Variants in IL13RA1 observed in about 807,000 individuals in gnomAD.
The protein encoded by IL13RA1 is interleukin-13 receptor subunit alpha-1.
Under a neutral mutation model 33.8 loss-of-function variants are expected in IL13RA1, and 14 were observed. The observed-to-expected ratio is 0.41, with a 90% CI of 0.27 to 0.65. IL13RA1 has a LOEUF of 0.65. Among genes scored for constraint, IL13RA1 ranks in the 30% least tolerant of loss-of-function variants. IL13RA1 has a pLI of 0.28. For synonymous variants in IL13RA1, 116 were observed against 115.7 expected (o/e 1.00, Z -0.02); for missense variants, 313 against 327.0 (o/e 0.96, Z 0.33).
rs142695639 is a variant in IL13RA1 at position 118,758,202 on chromosome X, A to G, written c.636A>G (p.Lys212=). 62 of 1,127,312 alleles carry G rather than the reference A, an allele frequency of 5.5e-5. No individual in the cohort carries two copies. Among genetic ancestry groups the G allele is most frequent in the Non-Finnish European group, 7.0e-5 (58 of 828,393 alleles). The allele number at this position is 1,127,312 out of a possible 1,213,427, so 92.9% of individuals were successfully genotyped here. The change falls in exon 5 of 11, where the codon AAA becomes AAG. Residue 212 remains lysine (K), a synonymous_variant. Transcript: ENST00000371666. ...TAATGGTCAAGGATAATGCAGGAAA[A>G]ATTAAACCATCCTTCAATATAGTGC... ...VQIMVKDNAG[K]IKPSFNIVPL...
chrX:118,787,018 A>G (rs973419019), intron 10 of IL13RA1, among the ~76,000 whole-genome samples: 1 of 112,185 alleles, frequency 8.9e-6, no homozygotes. Context: ...TTGGTCCTGT[A>G]ACTATCTCTA....
chrX:118,729,689 C>T (rs2017194676), intron 1 of IL13RA1, among the ~76,000 whole-genome samples: 1 of 112,594 alleles, frequency 8.9e-6, no homozygotes, highest in Non-Finnish European at 1.9e-5. Context: ...AGTTTTCTAG[C>T]TGCTTTACTT....
intron 2 of IL13RA1, among the ~76,000 whole-genome samples, chrX:118,745,524 G>C (rs1327052420): frequency 8.9e-6 from 1 of 111,946 alleles, no homozygotes; most frequent in Non-Finnish European, 1.9e-5. Context: ...TTGTGTCCTT[G>C]CTATGATTTA....
intron 4 of IL13RA1, among the ~76,000 whole-genome samples, chrX:118,756,449 A>T (rs1327337801): frequency 8.9e-6 from 1 of 111,907 alleles, no homozygotes; most frequent in African/African-American, 3.2e-5. Context: ...CTTATGGAAG[A>T]CAGTTAAAGC....
chrX:118,784,105 ATATACGTATATATGTATATATATG>A (rs1409550887), intron 10 of IL13RA1, among the ~76,000 whole-genome samples: 3 of 57,576 alleles, frequency 5.2e-5, no homozygotes, highest in African/African-American at 6.4e-5. Context: ...ATATATATAT[ATATACGTATATATGTATATATATG>A]TATATATATA....
rs151181693 is a variant in IL13RA1, at chrX:118,733,874, A to T, written c.88+6148A>T. On this transcript the variant is annotated intron_variant, in intron 1 of 10. Transcript: ENST00000371666. ...TTTCCCAGCACCATTTGTTGAAAAGATTGTCTGCATTGAGTGGTCTTGGCA... is the reference window on the plus strand; with the variant it reads ...TTTCCCAGCACCATTTGTTGAAAAGTTTGTCTGCATTGAGTGGTCTTGGCA... 1.2e-3 allele frequency among the ~76,000 whole-genome samples: 138 copies of T among 111,683 alleles called. 3 individuals are homozygous for T. In the East Asian group the frequency reaches 0.038, roughly 31 times the overall value.
At chrX:118,786,851 G>A (rs1198012479) in intron 10 of IL13RA1, among the ~76,000 whole-genome samples, 1 of 112,073 alleles carries the variant, frequency 8.9e-6, no homozygotes, top group African/African-American at 3.2e-5. Context: ...TCTAGACCAC[G>A]GACTCCTTGC....
At chrX:118,747,354 C>T (rs1017691453) in intron 3 of IL13RA1, among the ~76,000 whole-genome samples, 24 of 109,222 alleles carry the variant, frequency 2.2e-4, no homozygotes, top group Non-Finnish European at 4.4e-4. Flanking sequence ...CATGCACGCG[C>T]GCGCACACAC....
At chrX:118,743,490 T>G (rs2017368763) in intron 2 of IL13RA1, among the ~76,000 whole-genome samples, 1 of 111,490 alleles carries the variant, frequency 9.0e-6, no homozygotes, top group African/African-American at 3.3e-5. Flanking sequence ...GTCTAATAGT[T>G]CCTCAGCTGG....
intron 10 of IL13RA1, among the ~76,000 whole-genome samples, chrX:118,789,500 T>C (rs969250198): frequency 8.9e-6 from 1 of 112,014 alleles, no homozygotes; most frequent in Non-Finnish European, 1.9e-5. Flanking sequence ...TTGTACTTTT[T>C]CCCAAGTTTA....
At chrX:118,764,086 A>G (rs1057258460) in intron 6 of IL13RA1, among the ~76,000 whole-genome samples, 6 of 109,592 alleles carry the variant, frequency 5.5e-5, no homozygotes, top group African/African-American at 2.0e-4. Flanking sequence ...AGTAAGCGGG[A>G]ACATGAACTG....
intron 10 of IL13RA1, among the ~76,000 whole-genome samples, chrX:118,780,692 T>C (rs952499481): frequency 1.8e-5 from 2 of 111,979 alleles, no homozygotes; most frequent in African/African-American, 6.5e-5. Flanking sequence ...ACTGTTGTGA[T>C]GACAGCATTA....
chrX:118,730,285 A>G (rs2017201520), intron 1 of IL13RA1, among the ~76,000 whole-genome samples: 1 of 112,326 alleles, frequency 8.9e-6, no homozygotes, highest in South Asian at 3.7e-4. Flanking sequence ...GCGACAGAGC[A>G]AGACTGTCTC....
At chrX:118,739,705 AATG>A (rs1414357388) in intron 1 of IL13RA1, among the ~76,000 whole-genome samples, 1 of 111,182 alleles carries the variant, frequency 9.0e-6, no homozygotes, top group Non-Finnish European at 1.9e-5. Flanking sequence ...GAAAGTTTAA[AATG>A]ATGTTTCACA....
Position 118,793,527 on chromosome X carries a change from C to T in IL13RA1, c.*1673C>T, listed in dbSNP as rs1015562236. 1.8e-5 allele frequency: 2 copies of T among 111,509 alleles called. No homozygotes were observed. Among genetic ancestry groups the T allele is most frequent in the Non-Finnish European group, 3.8e-5 (2 of 53,135 alleles). 9.2% of individuals were successfully genotyped at this position (111,509 alleles called of 1,213,427 possible). The stretch of plus-strand genomic sequence containing the variant: ...GTTCCATTCTCACCTATCCACACAA[C>T]ATATCCGTATATATCCCCTCTACTC... On this transcript the variant is annotated 3_prime_UTR_variant, in exon 11 of 11. Transcript: ENST00000371666.
chrX:118,769,267 A>G (rs971004475), intron 8 of IL13RA1, among the ~76,000 whole-genome samples: 1 of 112,533 alleles, frequency 8.9e-6, no homozygotes, highest in African/African-American at 3.2e-5. Flanking sequence ...CTAGATGTTC[A>G]TGACCTAGTG....
At chrX:118,773,434 T>G (rs1490799333) in intron 8 of IL13RA1, among the ~76,000 whole-genome samples, 1 of 111,985 alleles carries the variant, frequency 8.9e-6, no homozygotes, top group Non-Finnish European at 1.9e-5. Context: ...GAGGTTGCAG[T>G]GAGCCAAGAT....
chrX:118,734,805 T>A (rs2017263131), intron 1 of IL13RA1, among the ~76,000 whole-genome samples: 1 of 111,870 alleles, frequency 8.9e-6, no homozygotes, highest in Non-Finnish European at 1.9e-5. Flanking sequence ...TGTCTGGCTT[T>A]GGTATCAGGT....
At chrX:118,791,539 C>G (rs1333379837) in intron 10 of IL13RA1, among the ~76,000 whole-genome samples, 5 of 108,910 alleles carry the variant, frequency 4.6e-5, no homozygotes, top group African/African-American at 1.7e-4. Context: ...ATGTAACTAT[C>G]TCATGATTCC....
Sources: gnomAD v4.1 joint callset for allele counts (sites outside exome capture counted in the v4.1 genomes callset) on GRCh38, gnomAD v4.1.1 for gene constraint, MANE v1.5 for transcripts, NCBI Gene and HGNC (gene_info 2026-07-23, HGNC 2026-07-21) for gene names.